Variants in ATG10 observed in about 807,000 individuals in gnomAD.
ATG10 encodes the protein ubiquitin-like-conjugating enzyme ATG10.
Under a neutral mutation model 32.1 loss-of-function variants are expected in ATG10, and 30 were observed. That is an observed-to-expected ratio of 0.94 (90% confidence interval 0.70 to 1.27). The LOEUF (loss-of-function observed/expected upper bound fraction) is 1.27. ATG10 is among the 50% of genes most tolerant of loss of function. The probability of loss-of-function intolerance (pLI) is 0.00; values close to 1 mark genes in which losing one functional copy is unlikely to be tolerated. For synonymous variants in ATG10, 87 were observed against 91.5 expected, an observed-to-expected ratio of 0.95 and a Z score of 0.28; for missense variants, 233 against 262.3, an observed-to-expected ratio of 0.89 and a Z score of 0.77.
At chr5:82,070,825 G>A (rs73768623) in intron 3 of ATG10, among the ~76,000 whole-genome samples, 1,769 of 152,002 alleles carry the variant, frequency 0.012, 25 homozygotes, top group African/African-American at 0.041. Flanking sequence ...GGACTTTTTC[G>A]TTATTTGTTC....
chr5:82,058,610 GT>G lies in ATG10; in HGVS notation c.216+11del. 1 of 1,557,900 alleles carries G rather than the reference GT, an allele frequency of 6.4e-7. No homozygotes were observed. Among genetic ancestry groups the G allele is most frequent in the African/African-American group, 1.4e-5 (1 of 73,892 alleles). On this transcript the variant is annotated intron_variant, in intron 3 of 7. Coordinates refer to ENST00000282185, the MANE Select transcript of ATG10 (RefSeq NM_031482.5). ...ACATGTCTTCCCATGGAGGTGAGTA[GT>G]TTAATGCATCATGTTCTTTTCAGTC...
At position 82,058,194 on chromosome 5, in the gene ATG10, A is replaced by G. The variant is rs116977777; in HGVS notation, c.109-301A>G. Among the ~76,000 whole-genome samples, 20 of 152,328 alleles carry G rather than the reference A, an allele frequency of 1.3e-4. No homozygotes were observed. In the East Asian group the frequency reaches 3.9e-3, roughly 29 times the overall value. On this transcript the variant is annotated intron_variant, in intron 2 of 7. Coordinates refer to ENST00000282185, the MANE Select transcript of ATG10 (RefSeq NM_031482.5). The stretch of plus-strand genomic sequence containing the variant: ...ATTAATTATGTGACAAGCTATTTCT[A>G]TAAGCTTAAGTTTTGTTCTGTGATC...
intron 3 of ATG10, among the ~76,000 whole-genome samples, chr5:82,079,218 C>G (rs1397587835): frequency 6.6e-6 from 1 of 151,978 alleles, no homozygotes; most frequent in African/African-American, 2.4e-5. Context: ...GAGATATACC[C>G]GAGACTAGGA....
At chr5:82,011,950 G>T (rs1192852231) in intron 2 of ATG10, among the ~76,000 whole-genome samples, 2 of 152,166 alleles carry the variant, frequency 1.3e-5, no homozygotes, top group African/African-American at 2.4e-5. Flanking sequence ...GTGCTGGTTG[G>T]TTGGTTGCTT....
At chr5:82,099,935 A>G (rs1055321790) in intron 3 of ATG10, among the ~76,000 whole-genome samples, 2 of 144,948 alleles carry the variant, frequency 1.4e-5, no homozygotes, top group Non-Finnish European at 3.1e-5. Flanking sequence ...CACTCAATGT[A>G]CTAATAGATT....
chr5:82,058,634 G>A (rs1444843822), intron 3 of ATG10, 32 bp downstream of exon 3: 1 of 1,438,106 alleles, frequency 7.0e-7, no homozygotes, highest in Non-Finnish European at 9.8e-7. Flanking sequence ...GTTCTTTTCA[G>A]TCTCCGTAAA....
At chr5:82,201,031 C>T (rs1039739717) in intron 5 of ATG10, among the ~76,000 whole-genome samples, 2 of 151,852 alleles carry the variant, frequency 1.3e-5, no homozygotes, top group African/African-American at 2.4e-5. Context: ...ACCACAGGCA[C>T]CTGCCACCAT....
chr5:82,168,018 T>C (rs1483570808), intron 4 of ATG10, among the ~76,000 whole-genome samples: 2 of 152,186 alleles, frequency 1.3e-5, no homozygotes, highest in Admixed American at 1.3e-4. Context: ...TAGTGCCTTA[T>C]AGTTTAGTAA....
At chr5:82,138,474 G>A (rs1219415265) in intron 3 of ATG10, among the ~76,000 whole-genome samples, 1 of 152,170 alleles carries the variant, frequency 6.6e-6, no homozygotes, top group African/African-American at 2.4e-5. Flanking sequence ...TCCTTGGCTA[G>A]GGGAGTGAGT....
At chr5:82,083,673 A>C (rs1764565802) in intron 3 of ATG10, among the ~76,000 whole-genome samples, 1 of 152,190 alleles carries the variant, frequency 6.6e-6, no homozygotes, top group South Asian at 2.1e-4. Context: ...GCCGTTCTGC[A>C]ATATTTGCTG....
chr5:82,049,194 TAC>T (rs1763321621), intron 2 of ATG10, among the ~76,000 whole-genome samples: 1 of 151,610 alleles, frequency 6.6e-6, no homozygotes, highest in African/African-American at 2.4e-5. Flanking sequence ...GTGGCACATA[TAC>T]ACCATGGAAT....
intron 5 of ATG10, among the ~76,000 whole-genome samples, chr5:82,198,716 G>T (rs1324020358): frequency 6.6e-6 from 1 of 152,190 alleles, no homozygotes; most frequent in Admixed American, 6.5e-5. Flanking sequence ...TATTTTAACA[G>T]AAGAAATTCC....
intron 3 of ATG10, among the ~76,000 whole-genome samples, chr5:82,152,138 G>C (rs960960956): frequency 6.6e-6 from 1 of 152,188 alleles, no homozygotes; most frequent in African/African-American, 2.4e-5. Context: ...AATAAGTTTA[G>C]TTTTCTGTAG....
intron 5 of ATG10, among the ~76,000 whole-genome samples, chr5:82,186,046 G>C (rs1744432952): frequency 6.6e-6 from 1 of 152,196 alleles, no homozygotes; most frequent in Admixed American, 6.5e-5. Flanking sequence ...TAGTGCACCT[G>C]GTAGTATCTG....
At chr5:82,016,356 A>C (rs1261083329) in intron 2 of ATG10, among the ~76,000 whole-genome samples, 1 of 151,522 alleles carries the variant, frequency 6.6e-6, no homozygotes, top group African/African-American at 2.4e-5. Context: ...TCCCCACTTT[A>C]TTTTGTTTGC....
chr5:82,167,863 C>G (rs988329094), intron 4 of ATG10, among the ~76,000 whole-genome samples: 4 of 152,186 alleles, frequency 2.6e-5, no homozygotes, highest in Non-Finnish European at 5.9e-5. Flanking sequence ...GCCCTTCCAT[C>G]CCAATGTTCT....
intron 3 of ATG10, among the ~76,000 whole-genome samples, chr5:82,154,332 C>G (rs571283727): frequency 6.6e-6 from 1 of 152,212 alleles, no homozygotes; most frequent in East Asian, 1.9e-4. Context: ...CTATCTGGCT[C>G]TTTAAGAAAA....
intron 4 of ATG10, among the ~76,000 whole-genome samples, chr5:82,171,929 T>A (rs1485020838): frequency 6.6e-6 from 1 of 152,080 alleles, no homozygotes; most frequent in African/African-American, 2.4e-5. Flanking sequence ...GAGCTTACAG[T>A]CTAGTGAGGG....
rs1457131341 is a variant in ATG10, at chr5:81,993,396, T to TCTTTTCTTTTCTTTTCTTTTCTTTTCTTA, written c.108+5718_108+5719insCTTTTCTTTTCTTTTCTTTTCTTTTCTTA. ...TTCTTTTCTTTTCTTTTCTTTTTTT[T>TCTTTTCTTTTCTTTTCTTTTCTTTTCTTA]TCTTTTCTTTTCTTTTCTTTTCTTT... is the stretch of plus-strand genomic sequence containing the variant. On this transcript the variant is annotated intron_variant, in intron 2 of 7. Transcript: ENST00000282185. Among the ~76,000 whole-genome samples the TCTTTTCTTTTCTTTTCTTTTCTTTTCTTA allele has an allele frequency of 8.2e-4, 107 of 130,390 alleles. 8 individuals are homozygous for TCTTTTCTTTTCTTTTCTTTTCTTTTCTTA. Among genetic ancestry groups the TCTTTTCTTTTCTTTTCTTTTCTTTTCTTA allele is most frequent in the Non-Finnish European group, 1.4e-3 (87 of 63,056 alleles). 85.5% of individuals were successfully genotyped at this position (130,390 alleles called of 152,430 possible). A position where few individuals can be genotyped will look rare whatever the true frequency, so the allele number is the denominator to read the frequency against.
Sources: allele counts gnomAD v4.1 joint callset (sites outside exome capture counted in the v4.1 genomes callset), GRCh38; gene constraint gnomAD v4.1.1; transcripts MANE v1.5; gene names NCBI Gene and HGNC (gene_info 2026-07-23, HGNC 2026-07-21).